C9orf43: variants seen among roughly 807,000 people sequenced by gnomAD.
C9orf43 encodes uncharacterized protein C9orf43.
Under a neutral mutation model 59.1 loss-of-function variants are expected in C9orf43, and 45 were observed. The ratio of observed to expected loss-of-function variants is 0.76; its 90% confidence interval spans 0.60 to 0.98. The LOEUF (loss-of-function observed/expected upper bound fraction) is 0.98, where lower values mean the gene tolerates loss of function less well. C9orf43 is among the 50% of genes least tolerant of loss of function. The pLI, the probability that C9orf43 is intolerant of heterozygous loss-of-function variation, is 0.00. For missense variants in C9orf43, 533 were observed against 554.9 expected, an observed-to-expected ratio of 0.96 and a Z score of 0.40; for synonymous variants, 203 against 196.8, an observed-to-expected ratio of 1.03 and a Z score of -0.26.
intron 3 of C9orf43, among the ~76,000 whole-genome samples, chr9:113,418,897 G>A (rs1312176947): frequency 6.6e-6 from 1 of 152,192 alleles, no homozygotes; most frequent in Non-Finnish European, 1.5e-5. Context: ...ACAAATAGTT[G>A]TGAAGTATTT....
intron 8 of C9orf43, among the ~76,000 whole-genome samples, chr9:113,424,574 G>A (rs1031964838): frequency 2.0e-5 from 3 of 151,080 alleles, no homozygotes; most frequent in Non-Finnish European, 4.4e-5. Flanking sequence ...GTCACCCAGG[G>A]TGTAGTGCAG....
chr9:113,417,277 C>G (rs1488461672), intron 3 of C9orf43, among the ~76,000 whole-genome samples: 1 of 152,222 alleles, frequency 6.6e-6, no homozygotes, highest in Non-Finnish European at 1.5e-5. Flanking sequence ...CTCTGATACT[C>G]TCTCTTCCAA....
At chr9:113,412,253 G>C (rs1828194282) in intron 1 of C9orf43, among the ~76,000 whole-genome samples, 1 of 152,204 alleles carries the variant, frequency 6.6e-6, no homozygotes, top group Admixed American at 6.5e-5. Flanking sequence ...GTGTTGTCAA[G>C]TATTTTGGTC....
At chr9:113,424,125 G>T (rs1202234205) in intron 7 of C9orf43, 41 bp from the exon 8 acceptor site, 1 of 1,541,982 alleles carries the variant, frequency 6.5e-7, no homozygotes, top group South Asian at 1.3e-5. Context: ...TTTCCGGGAA[G>T]AGCTGTTGCT....
At chr9:113,425,254 A>G in intron 9 of C9orf43, 90 bp from the exon 10 acceptor site, 1 of 1,578,034 alleles carries the variant, frequency 6.3e-7, no homozygotes. Context: ...CTTACCAGGG[A>G]GTCACCATTG....
At chr9:113,420,760 G>C (rs10981786) in intron 4 of C9orf43, 172 of 985,244 alleles carry the variant, frequency 1.7e-4, no homozygotes, top group Non-Finnish European at 2.0e-4. Flanking sequence ...ATGTCTGTGG[G>C]ATCTAAGTCT....
At chr9:113,424,140 G>GTC in intron 7 of C9orf43, 26 bp from the exon 8 acceptor site, 1 of 1,568,700 alleles carries the variant, frequency 6.4e-7, no homozygotes, top group African/African-American at 1.4e-5. Flanking sequence ...GTTGCTGACT[G>GTC]TCTGGCTGTC....
chr9:113,425,252 G>C (rs1461757028), intron 9 of C9orf43, 92 bp from the exon 10 acceptor site: 2 of 1,576,124 alleles, frequency 1.3e-6, no homozygotes, highest in African/African-American at 2.7e-5. Context: ...TCCTTACCAG[G>C]GAGTCACCAT....
chr9:113,419,865 GA>G, intron 4 of C9orf43, among the ~76,000 whole-genome samples: 1 of 152,182 alleles, frequency 6.6e-6, no homozygotes, highest in South Asian at 2.1e-4. Context: ...AATTTAGGAA[GA>G]AAAAACCCTC....
intron 13 of C9orf43, 36 bp downstream of exon 13, chr9:113,428,999 C>T (rs758710534): frequency 6.5e-5 from 102 of 1,579,630 alleles, no homozygotes; most frequent in Non-Finnish European, 8.5e-5. Context: ...TAGTAAGTGA[C>T]TGAGGATAGG....
intron 1 of C9orf43, 55 bp from the exon 2 acceptor site, chr9:113,413,390 G>T: frequency 7.0e-7 from 1 of 1,437,500 alleles, no homozygotes; most frequent in South Asian, 1.5e-5. Context: ...ATTAACATCT[G>T]GACTGTATGG....
chr9:113,423,105 C>T (rs1332212238), intron 6 of C9orf43, among the ~76,000 whole-genome samples: 2 of 152,120 alleles, frequency 1.3e-5, no homozygotes, highest in Non-Finnish European at 2.9e-5. Context: ...AACGAATGAC[C>T]TTTCTGGAAA....
At chr9:113,419,233 C>A in intron 4 of C9orf43, 68 bp downstream of exon 4, 2 of 1,227,250 alleles carry the variant, frequency 1.6e-6, no homozygotes, top group Non-Finnish European at 2.3e-6. Context: ...AACTATTCTG[C>A]CTTTATTTGA....
chr9:113,411,803 A>C (rs1042356409), intron 1 of C9orf43, among the ~76,000 whole-genome samples: 3 of 151,766 alleles, frequency 2.0e-5, no homozygotes, highest in Non-Finnish European at 4.4e-5. Context: ...CTCAGCCCCA[A>C]ATAGCTGGGG....
In C9orf43 at chr9:113,425,419, A is replaced by G; in HGVS notation, c.941A>G (p.Gln314Arg). The change falls in exon 10 of 14, where the codon CAG (glutamine) becomes CGG (arginine). Residue 314 changes from glutamine to arginine, a missense_variant and splice_region_variant. Gln to Arg is a conservative substitution (Grantham distance 43). Transcript: ENST00000374165. ...QKKVKTPIKK[Q>R]EAKKKAKSDP... is the part of the protein sequence containing the mutation. ...AAGGTGAAAACACCTATTAAGAAAC[A>G]GGTAGAGTGGCAGTGAGGGGCTTGC... 3 of 1,613,336 alleles carry G rather than the reference A, an allele frequency of 1.9e-6. No individual in the cohort carries two copies. The highest frequency in any genetic ancestry group is 2.5e-6 in the Non-Finnish European group (3 of 1,179,566).
chr9:113,421,240 C>G, intron 5 of C9orf43, 37 bp downstream of exon 5: 1 of 1,431,100 alleles, frequency 7.0e-7, no homozygotes, highest in African/African-American at 1.4e-5. Flanking sequence ...GACTTTGACT[C>G]TATAAATCCC....
At chr9:113,415,165 A>T (rs1271273809) in intron 3 of C9orf43, among the ~76,000 whole-genome samples, 1 of 149,168 alleles carries the variant, frequency 6.7e-6, no homozygotes, top group African/African-American at 2.5e-5. Flanking sequence ...TTGGTGGGGG[A>T]TAGGGTCTTA....
At chr9:113,411,457 C>G (rs1251714664) in intron 1 of C9orf43, among the ~76,000 whole-genome samples, 1 of 152,004 alleles carries the variant, frequency 6.6e-6, no homozygotes, top group Non-Finnish European at 1.5e-5. Context: ...CGCCACCACG[C>G]CCGGCTAATT....
Position 113,424,445 on chromosome 9 carries a change from G to A in C9orf43, c.807+129G>A. ...CTTTCCACTCTGAACCCATGCCCCA[G>A]AGAAGGCTGGGCTCTATGTATGTAA... On this transcript the variant is annotated intron_variant, in intron 8 of 13. Transcript: ENST00000374165. 4.2e-6 allele frequency: 4 copies of A among 955,740 alleles called. No homozygotes were observed. In the Middle Eastern group the frequency reaches 7.9e-4, roughly 189 times the overall value. 59.2% of individuals were successfully genotyped at this position (955,740 alleles called of 1,614,324 possible).
Sources: allele counts gnomAD v4.1 joint callset (sites outside exome capture counted in the v4.1 genomes callset), GRCh38; gene constraint gnomAD v4.1.1; transcripts MANE v1.5; gene names NCBI Gene and HGNC (gene_info 2026-07-23, HGNC 2026-07-21).